The following NAALADL2 variants were observed in gnomAD, a reference collection of about 807,000 sequenced individuals.
The protein encoded by NAALADL2 is inactive N-acetylated-alpha-linked acidic dipeptidase-like protein 2.
Under a neutral mutation model 87.2 loss-of-function variants are expected in NAALADL2, and 76 were observed. The observed-to-expected ratio is 0.87, with a 90% confidence interval of 0.72 to 1.05. The LOEUF is 1.05. Ranked by LOEUF, NAALADL2 falls within the 50% of genes least tolerant of loss-of-function variation. NAALADL2 has a pLI of 0.00. For missense variants in NAALADL2, 1,089 were observed against 945.8 expected, an observed-to-expected ratio of 1.15 and a Z score of -1.99; for synonymous variants, 354 against 331.0, an observed-to-expected ratio of 1.07 and a Z score of -0.75.
intron 2 of NAALADL2, among the ~76,000 whole-genome samples, chr3:175,213,486 A>T (rs1023685631): frequency 6.6e-6 from 1 of 152,120 alleles, no homozygotes; most frequent in Admixed American, 6.6e-5. Context: ...TAGGCATTTG[A>T]TATATCAAAA....
At chr3:175,381,359 A>T (rs1767758831) in intron 5 of NAALADL2, among the ~76,000 whole-genome samples, 1 of 151,716 alleles carries the variant, frequency 6.6e-6, no homozygotes, top group Non-Finnish European at 1.5e-5. Flanking sequence ...CATGTAAAAA[A>T]GATTAGTTAC....
chr3:175,535,121 T>C (rs1734638270), intron 9 of NAALADL2, among the ~76,000 whole-genome samples: 1 of 152,132 alleles, frequency 6.6e-6, no homozygotes, highest in Admixed American at 6.5e-5. Context: ...GTCATACGGC[T>C]GCTATGTAAT....
At chr3:174,806,160 T>C (rs1719455016) in intron 3 of NAALADL2, among the ~76,000 whole-genome samples, 1 of 152,194 alleles carries the variant, frequency 6.6e-6, no homozygotes, top group Non-Finnish European at 1.5e-5. Context: ...CCAAAGCCCA[T>C]TTTAACATGG....
chr3:174,540,867 G>A (rs2108465305), intron 1 of NAALADL2: 1 of 152,206 alleles, frequency 6.6e-6, no homozygotes, highest in South Asian at 2.1e-4. Context: ...CCTAATGATA[G>A]GTATTTTTAA....
chr3:174,786,265 A>G (rs1441805595), intron 3 of NAALADL2, among the ~76,000 whole-genome samples: 1 of 151,972 alleles, frequency 6.6e-6, no homozygotes, highest in Non-Finnish European at 1.5e-5. Context: ...CCTGGCTAAC[A>G]CAGTGAAACC....
chr3:174,760,007 A>G (rs1440440511), intron 3 of NAALADL2, among the ~76,000 whole-genome samples: 1 of 152,174 alleles, frequency 6.6e-6, no homozygotes, highest in Non-Finnish European at 1.5e-5. Flanking sequence ...CCCACAAATC[A>G]CTTTTATTTG....
intron 1 of NAALADL2, among the ~76,000 whole-genome samples, chr3:175,030,074 G>T (rs1028506442): frequency 2.6e-5 from 4 of 152,078 alleles, no homozygotes; most frequent in African/African-American, 9.7e-5. Flanking sequence ...GGGGATGCTT[G>T]TGTGTTGGTA....
chr3:174,683,351 A>T (rs1042151879), intron 2 of NAALADL2, among the ~76,000 whole-genome samples: 1 of 152,202 alleles, frequency 6.6e-6, no homozygotes, highest in Non-Finnish European at 1.5e-5. Flanking sequence ...CCCAATGTCC[A>T]TTTAAGTAAA....
chr3:175,025,042 A>T (rs145511884), intron 1 of NAALADL2, among the ~76,000 whole-genome samples: 6 of 152,290 alleles, frequency 3.9e-5, no homozygotes, highest in African/African-American at 1.4e-4. Flanking sequence ...AAAATGCTGC[A>T]TATCAAAAAT....
intron 3 of NAALADL2, among the ~76,000 whole-genome samples, chr3:174,783,886 T>TG (rs756502827): frequency 5.3e-5 from 8 of 152,114 alleles, no homozygotes; most frequent in Non-Finnish European, 1.2e-4. Flanking sequence ...CAGGTGATAC[T>TG]GATGTACAGG....
chr3:175,000,899 A>G (rs1157328091), intron 1 of NAALADL2, among the ~76,000 whole-genome samples: 1 of 152,218 alleles, frequency 6.6e-6, no homozygotes, highest in Non-Finnish European at 1.5e-5. Context: ...TGGTTTGTTG[A>G]AGACTGCACA....
chr3:175,023,858 T>C (rs1422996326), intron 1 of NAALADL2, among the ~76,000 whole-genome samples: 2 of 152,048 alleles, frequency 1.3e-5, no homozygotes, highest in Non-Finnish European at 2.9e-5. Context: ...CCTTTCTGTT[T>C]CTTTTAAATA....
intron 1 of NAALADL2, among the ~76,000 whole-genome samples, chr3:175,012,355 A>G (rs1304436048): frequency 4.0e-5 from 6 of 151,824 alleles, no homozygotes; most frequent in Non-Finnish European, 8.8e-5. Context: ...TTTAGTAGAG[A>G]CGGAGTTTCA....
At chr3:174,785,728 A>G (rs1716562245) in intron 3 of NAALADL2, among the ~76,000 whole-genome samples, 1 of 152,318 alleles carries the variant, frequency 6.6e-6, no homozygotes, top group East Asian at 1.9e-4. Context: ...ATACAGTCAT[A>G]GTGATTCCCT....
At chr3:175,395,041 C>G (rs1395212787) in intron 5 of NAALADL2, among the ~76,000 whole-genome samples, 1 of 151,974 alleles carries the variant, frequency 6.6e-6, no homozygotes, top group South Asian at 2.1e-4. Flanking sequence ...TGCTTTGGAC[C>G]TATTACTAAG....
At chr3:174,548,448 C>T (rs541053316) in intron 1 of NAALADL2, among the ~76,000 whole-genome samples, 62 of 152,140 alleles carry the variant, frequency 4.1e-4, no homozygotes, top group East Asian at 1.7e-3. Flanking sequence ...GAATTATAGA[C>T]AATTTAAATG....
chr3:174,947,447 A>C (rs1229606712), intron 1 of NAALADL2, among the ~76,000 whole-genome samples: 1 of 152,124 alleles, frequency 6.6e-6, no homozygotes, highest in Non-Finnish European at 1.5e-5. Context: ...TAAGATTAAC[A>C]GTTCCTTCCT....
Position 175,003,885 on chromosome 3 carries a change from T to C in NAALADL2, c.44-92905T>C, listed in dbSNP as rs1248335241. Among the ~76,000 whole-genome samples the C allele has an allele frequency of 2.6e-5, 4 of 152,210 alleles. No individual in the cohort carries two copies. The East Asian group carries it at 7.7e-4, about 29-fold the overall frequency. ...TGCATTCACAACAGAACAAGCCATC[T>C]GTCAGCTTATAAAGTTCAAAAGAGA... On this transcript the variant is annotated intron_variant, in intron 1 of 13. Transcript: ENST00000454872.
intron 5 of NAALADL2, among the ~76,000 whole-genome samples, chr3:175,390,820 G>A (rs1295489438): frequency 1.3e-5 from 2 of 152,098 alleles, no homozygotes; most frequent in Non-Finnish European, 2.9e-5. Flanking sequence ...GTCATCAATT[G>A]CCTTTAGTCA....
Sources: gnomAD v4.1 joint callset for allele counts (sites outside exome capture counted in the v4.1 genomes callset) on GRCh38, gnomAD v4.1.1 for gene constraint, MANE v1.5 for transcripts, NCBI Gene and HGNC (gene_info 2026-07-23, HGNC 2026-07-21) for gene names.